Variants in HRH2 observed in about 807,000 individuals in gnomAD.
HRH2 encodes histamine H2 receptor.
HRH2 carries 4 observed loss-of-function variants against 20.1 expected under a neutral mutation model. That is an observed-to-expected ratio of 0.20 (90% CI 0.10 to 0.45). The LOEUF is 0.45. HRH2 is among the 20% of genes least tolerant of loss of function. The pLI, the probability that HRH2 is intolerant of heterozygous loss-of-function variation, is 0.99. For missense variants in HRH2, 250 were observed against 461.6 expected, an observed-to-expected ratio of 0.54 and a Z score of 4.20; for synonymous variants, 197 against 200.7, an observed-to-expected ratio of 0.98 and a Z score of 0.16.
chr5:175,700,076 G>A (rs1756748664), intron 2 of HRH2, among the ~76,000 whole-genome samples: 2 of 152,204 alleles, frequency 1.3e-5, no homozygotes, highest in African/African-American at 2.4e-5. Flanking sequence ...AGGGGATGAG[G>A]AAGGCTCAGA....
chr5:175,660,649 C>G (rs955187410), intron 1 of HRH2, among the ~76,000 whole-genome samples: 4 of 152,098 alleles, frequency 2.6e-5, no homozygotes, highest in Non-Finnish European at 5.9e-5. Flanking sequence ...TACCTGGCTT[C>G]GAGTTCTGAG....
At chr5:175,672,933 G>GAATCCGAGGAA (rs1755605586) in intron 1 of HRH2, among the ~76,000 whole-genome samples, 1 of 152,156 alleles carries the variant, frequency 6.6e-6, no homozygotes, top group Non-Finnish European at 1.5e-5. Flanking sequence ...GGAGGAGCAG[G>GAATCCGAGGAA]TGTGTAGTAT....
intron 2 of HRH2, chr5:175,685,511 A>G (rs1425459600): frequency 6.6e-7 from 1 of 1,512,774 alleles, no homozygotes; most frequent in Non-Finnish European, 9.0e-7. Context: ...TTCCCACCAC[A>G]TGCCAGGAAT....
Position 175,709,764 on chromosome 5 carries a change from A to C in HRH2, c.*1793A>C, listed in dbSNP as rs116952232. The C allele has an allele frequency of 9.3e-4, 140 of 150,626 alleles. 1 individual carries two copies. In the East Asian group the frequency reaches 0.026, roughly 28 times the overall value. The allele number at this position is 150,626 out of a possible 1,614,324, so 9.3% of individuals were successfully genotyped here. ...CTTCTCAGCACTCTCGCCCCCACCC[A>C]GTCCACCCCCTACCTGACAGCCAGA... On this transcript the variant is annotated 3_prime_UTR_variant, in exon 3 of 3. Transcript: ENST00000636584.
Position 175,676,469 on chromosome 5 carries a change from C to T in HRH2, c.-525-6240C>T, listed in dbSNP as rs529848971. 2.0e-5 allele frequency among the ~76,000 whole-genome samples: 3 copies of T among 152,304 alleles called. No individual in the cohort carries two copies. The South Asian group carries it at 6.2e-4, about 32-fold the overall frequency. The stretch of plus-strand genomic sequence containing the variant: ...GTCTGAACTTCTAGAGGATTGGGAC[C>T]ACCACACCCTGTTCCTGTGTATCCC... On this transcript the variant is annotated intron_variant, in intron 1 of 2. Transcript: ENST00000636584.
intron 1 of HRH2, among the ~76,000 whole-genome samples, chr5:175,664,017 G>C (rs1218326755): frequency 6.6e-6 from 1 of 152,214 alleles, no homozygotes; most frequent in Admixed American, 6.5e-5. Flanking sequence ...CCATTGCTGT[G>C]AGAGAAGTGT....
In HRH2 at chr5:175,707,874, G is replaced by A; in HGVS notation, c.1172G>A (p.Gly391Asp). Residue 391 changes from glycine to aspartate, a missense_variant, in exon 3 of 3, where the codon GGC (glycine) becomes GAC (aspartate). By Grantham distance (94) the Gly-to-Asp change is moderately conservative. Transcript: ENST00000636584. ...AGGTTCCTTCAGAGACACATGGGAG[G>A]CCCCTCGGAGGAGCTATCGGGGGAG... ...GLRFLQRHMG[G>D]PSEELSGEPL... 2.5e-6 allele frequency: 1 copy of A among 399,314 alleles called. No individual in the cohort carries two copies. The allele number at this position is 399,314 out of a possible 1,614,324, so 24.7% of individuals were successfully genotyped here.
chr5:175,662,022 A>T (rs1561717136), intron 1 of HRH2, among the ~76,000 whole-genome samples: 1 of 150,444 alleles, frequency 6.6e-6, no homozygotes, highest in Non-Finnish European at 1.5e-5. Flanking sequence ...TCTGTCTCAA[A>T]AAATAAATAA....
At chr5:175,660,953 C>T (rs980374628) in intron 1 of HRH2, among the ~76,000 whole-genome samples, 4 of 152,318 alleles carry the variant, frequency 2.6e-5, no homozygotes, top group East Asian at 1.9e-4. Flanking sequence ...TGGATCAAGA[C>T]CAAAGTCCTT....
Position 175,683,857 on chromosome 5 carries a change from C to T in HRH2, c.624C>T (p.Val208=), listed in dbSNP as rs374827224. ...MCITYYRIFK[V]ARDQAKRINH... ...TCACCTACTACCGCATCTTCAAGGT[C>T]GCCCGGGATCAGGCCAAGAGGATCA... is the stretch of plus-strand genomic sequence containing the variant. The change falls in exon 2 of 3, where the codon GTC becomes GTT. Residue 208 remains valine, a synonymous_variant. Coordinates refer to ENST00000636584, the MANE Select transcript of HRH2 (RefSeq NM_001367711.1). The T allele has an allele frequency of 1.1e-5, 18 of 1,614,028 alleles. No homozygotes were observed. Among genetic ancestry groups the T allele is most frequent in the South Asian group, 2.2e-5 (2 of 91,084 alleles).
intron 2 of HRH2, among the ~76,000 whole-genome samples, chr5:175,699,643 G>A (rs555163254): frequency 6.6e-6 from 1 of 152,244 alleles, no homozygotes; most frequent in Admixed American, 6.5e-5. Context: ...GCGTGACCTC[G>A]GCTCACTGCA....
At chr5:175,707,656 C>T (rs1756985864) in intron 2 of HRH2, 123 bp from the exon 3 acceptor site, 1 of 148,358 alleles carries the variant, frequency 6.7e-6, no homozygotes, top group Non-Finnish European at 1.5e-5. Flanking sequence ...CCCTCCCCTC[C>T]CCACCCCATC....
At chr5:175,661,588 A>C (rs544624451) in intron 1 of HRH2, among the ~76,000 whole-genome samples, 1 of 152,320 alleles carries the variant, frequency 6.6e-6, no homozygotes, top group South Asian at 2.1e-4. Context: ...TGACAGATTC[A>C]ATCAACCAAC....
intron 1 of HRH2, among the ~76,000 whole-genome samples, chr5:175,675,280 G>C (rs1755716850): frequency 6.6e-6 from 1 of 152,084 alleles, no homozygotes; most frequent in African/African-American, 2.4e-5. Context: ...CAAGAGATAT[G>C]GGGTCCCATA....
At chr5:175,706,879 T>C (rs1370797695) in intron 2 of HRH2, among the ~76,000 whole-genome samples, 1 of 152,148 alleles carries the variant, frequency 6.6e-6, no homozygotes, top group Non-Finnish European at 1.5e-5. Context: ...CCTCTCTCTA[T>C]GTGGAAGGGG....
At position 175,683,169 on chromosome 5, in the gene HRH2, A is replaced by G. The variant is rs1399119996; in HGVS notation, c.-65A>G. ...GAGTCCAGTGGTTGGCATAGTTGTC[A>G]CATTGGGAGCAGAGAAGAAGCAACC... On this transcript the variant is annotated 5_prime_UTR_variant, in exon 2 of 3. Coordinates refer to ENST00000636584, the MANE Select transcript of HRH2 (RefSeq NM_001367711.1). 1.3e-6 allele frequency: 2 copies of G among 1,545,444 alleles called. No homozygotes were observed. The highest frequency in any genetic ancestry group is 1.7e-6 in the Non-Finnish European group (2 of 1,145,326).
At chr5:175,697,232 G>T (rs1272485471) in intron 2 of HRH2, among the ~76,000 whole-genome samples, 1 of 152,100 alleles carries the variant, frequency 6.6e-6, no homozygotes, top group East Asian at 1.9e-4. Flanking sequence ...GGCAGGCCGA[G>T]GCGGGCGGAT....
At chr5:175,664,581 C>T (rs1376507309) in intron 1 of HRH2, among the ~76,000 whole-genome samples, 1 of 152,112 alleles carries the variant, frequency 6.6e-6, no homozygotes, top group Non-Finnish European at 1.5e-5. Flanking sequence ...GAATCAGCGG[C>T]GCAGACCTTG....
intron 1 of HRH2, among the ~76,000 whole-genome samples, chr5:175,668,821 G>A (rs1755411483): frequency 6.6e-6 from 1 of 152,150 alleles, no homozygotes; most frequent in Admixed American, 6.5e-5. Flanking sequence ...TGGCAGAGTT[G>A]TCCAAATCCA....
Sources: gnomAD v4.1 joint callset for allele counts (sites outside exome capture counted in the v4.1 genomes callset) on GRCh38, gnomAD v4.1.1 for gene constraint, MANE v1.5 for transcripts, NCBI Gene and HGNC (gene_info 2026-07-23, HGNC 2026-07-21) for gene names.